KCNN3: variants seen among roughly 807,000 people sequenced by gnomAD.
The protein encoded by KCNN3 is potassium calcium-activated channel subfamily N member 3, also known as small conductance calcium-activated potassium channel protein 3.
In KCNN3, 16 loss-of-function variants were observed where a neutral mutation model predicts 62.9. The observed-to-expected ratio is 0.25, with a 90% CI of 0.17 to 0.39. The LOEUF (loss-of-function observed/expected upper bound fraction) is 0.39, where lower values mean the gene tolerates loss of function less well. KCNN3 is among the 10% of genes least tolerant of loss of function. KCNN3 has a pLI of 1.00. For synonymous variants in KCNN3, 370 were observed against 389.2 expected (o/e 0.95, Z 0.58); for missense variants, 599 against 949.4 (o/e 0.63, Z 4.85).
intron 2 of KCNN3, among the ~76,000 whole-genome samples, chr1:154,787,559 C>A (rs781086097): frequency 6.6e-6 from 1 of 152,168 alleles, no homozygotes; most frequent in Non-Finnish European, 1.5e-5. Context: ...ATGGAGAGGG[C>A]CAGTTTGGTG....
chr1:154,851,376 G>A lies in KCNN3; in HGVS notation c.933+17656C>T, dbSNP rs559955553. ...AGGAGCCCAGGCAGAAGCTTGCCACGGCCTCAAGCACCATCCTGTGACCTC... is the reference window on the plus strand; with the variant it reads ...AGGAGCCCAGGCAGAAGCTTGCCACAGCCTCAAGCACCATCCTGTGACCTC... On this transcript the variant is annotated intron_variant, in intron 1 of 7. Coordinates refer to ENST00000271915, the MANE Select transcript of KCNN3 (RefSeq NM_002249.6). 7.2e-5 allele frequency among the ~76,000 whole-genome samples: 11 copies of A among 152,196 alleles called. No individual in the cohort carries two copies. In the East Asian group the frequency reaches 9.7e-4, roughly 13 times the overall value.
intron 3 of KCNN3, among the ~76,000 whole-genome samples, chr1:154,768,932 G>C (rs1648419276): frequency 6.6e-6 from 1 of 152,200 alleles, no homozygotes; most frequent in Non-Finnish European, 1.5e-5. Flanking sequence ...CAGTAGAGTA[G>C]AGGCCAAGAT....
chr1:154,745,106 A>G (rs1700911400), intron 3 of KCNN3, among the ~76,000 whole-genome samples: 1 of 152,072 alleles, frequency 6.6e-6, no homozygotes, highest in Non-Finnish European at 1.5e-5. Flanking sequence ...TCTGTGTCCT[A>G]TTTTTCAAGA....
chr1:154,826,422 A>G (rs1422317211), intron 1 of KCNN3, among the ~76,000 whole-genome samples: 3 of 152,224 alleles, frequency 2.0e-5, no homozygotes, highest in Non-Finnish European at 4.4e-5. Flanking sequence ...CTTACAGAGG[A>G]GAAAGCTTAA....
intron 4 of KCNN3, among the ~76,000 whole-genome samples, chr1:154,728,694 AG>A (rs1700525850): frequency 6.6e-6 from 1 of 152,116 alleles, no homozygotes; most frequent in Admixed American, 6.5e-5. Flanking sequence ...AGGTGGGTGC[AG>A]GGAGAGGTAA....
intron 1 of KCNN3, among the ~76,000 whole-genome samples, chr1:154,867,749 A>G (rs192987362): frequency 0.044 from 2,279 of 52,326 alleles, 60 homozygotes; most frequent in African/African-American, 0.15. Flanking sequence ...CCCTGCCCCA[A>G]ATGACAAATA....
In KCNN3 at chr1:154,870,078, C is replaced by T. The variant is rs1653124180; in HGVS notation, c.-114G>A. 2 of 1,239,194 alleles carry T rather than the reference C, an allele frequency of 1.6e-6. No individual in the cohort carries two copies. The highest frequency in any genetic ancestry group is 1.5e-5 in the African/African-American group (1 of 67,054). 76.8% of individuals were successfully genotyped at this position (1,239,194 alleles called of 1,614,324 possible). On this transcript the variant is annotated 5_prime_UTR_variant, in exon 1 of 8. Transcript: ENST00000271915. Reference sequence around the variant, plus strand: ...CCAATCTCCCCCACCAGTATCTTGGCTCCAGTCCTCTCTTTGGCTTGCTTC... The same window carrying T: ...CCAATCTCCCCCACCAGTATCTTGGTTCCAGTCCTCTCTTTGGCTTGCTTC...
intron 2 of KCNN3, among the ~76,000 whole-genome samples, chr1:154,793,849 G>T (rs1171668682): frequency 6.6e-6 from 1 of 152,188 alleles, no homozygotes; most frequent in Non-Finnish European, 1.5e-5. Context: ...AGTCAGTGTG[G>T]AGGCGGATTC....
At chr1:154,732,747 T>C (rs1366882719) in intron 4 of KCNN3, among the ~76,000 whole-genome samples, 1 of 152,196 alleles carries the variant, frequency 6.6e-6, no homozygotes, top group Non-Finnish European at 1.5e-5. Flanking sequence ...CCAGCCCATT[T>C]TGAGGGAGCT....
At chr1:154,730,877 G>T (rs1700577796) in intron 4 of KCNN3, among the ~76,000 whole-genome samples, 1 of 152,230 alleles carries the variant, frequency 6.6e-6, no homozygotes, top group Admixed American at 6.5e-5. Flanking sequence ...GCAAAAGGGG[G>T]TGCTGAAAGA....
At chr1:154,813,034 C>A (rs941234663) in intron 2 of KCNN3, among the ~76,000 whole-genome samples, 1 of 152,186 alleles carries the variant, frequency 6.6e-6, no homozygotes, top group African/African-American at 2.4e-5. Context: ...ATCCTCTGGC[C>A]TAATCTGCCC....
At chr1:154,755,927 A>AGAGGTGGAGGATGGGGAGGG (rs1647662369) in intron 3 of KCNN3, among the ~76,000 whole-genome samples, 1 of 100,916 alleles carries the variant, frequency 9.9e-6, no homozygotes, top group Non-Finnish European at 1.9e-5. Flanking sequence ...GAGAAGAAGA[A>AGAGGTGGAGGATGGGGAGGG]GAGGTGGAGG....
At chr1:154,858,736 CT>C (rs66459758) in intron 1 of KCNN3, among the ~76,000 whole-genome samples, 27,861 of 141,676 alleles carry the variant, frequency 0.2, 3,014 homozygotes, top group Non-Finnish European at 0.28. Flanking sequence ...AGTCATGTAA[CT>C]TTTTTTTTTT....
At chr1:154,738,587 C>T (rs1012925666) in intron 3 of KCNN3, among the ~76,000 whole-genome samples, 3 of 152,064 alleles carry the variant, frequency 2.0e-5, no homozygotes, top group Admixed American at 6.5e-5. Context: ...ACAGGGAGGC[C>T]CTCATAGGAC....
chr1:154,796,291 C>T (rs1016500954), intron 2 of KCNN3, among the ~76,000 whole-genome samples: 1 of 152,186 alleles, frequency 6.6e-6, no homozygotes, highest in African/African-American at 2.4e-5. Flanking sequence ...TTTTCCTGGT[C>T]TCCACTCCAG....
chr1:154,823,443 A>G (rs1381554659), intron 1 of KCNN3, among the ~76,000 whole-genome samples: 2 of 152,218 alleles, frequency 1.3e-5, no homozygotes, highest in African/African-American at 4.8e-5. Context: ...AGGTGGTTTC[A>G]CGTATTTGTT....
chr1:154,774,101 G>A (rs931316398), intron 2 of KCNN3, among the ~76,000 whole-genome samples: 9 of 152,188 alleles, frequency 5.9e-5, no homozygotes, highest in African/African-American at 1.7e-4. Flanking sequence ...GTCACTGTGA[G>A]GCTGCAGTGG....
chr1:154,827,061 T>A (rs1651166744), intron 1 of KCNN3, among the ~76,000 whole-genome samples: 3 of 152,228 alleles, frequency 2.0e-5, no homozygotes, highest in East Asian at 3.8e-4. Flanking sequence ...GTATCTGAAG[T>A]TCATAATTTC....
chr1:154,801,633 T>G (rs1649956971), intron 2 of KCNN3, among the ~76,000 whole-genome samples: 1 of 152,208 alleles, frequency 6.6e-6, no homozygotes, highest in Admixed American at 6.5e-5. Context: ...TTCAAACAAG[T>G]GCAACTTTTG....
Sources: gnomAD v4.1 joint callset for allele counts (sites outside exome capture counted in the v4.1 genomes callset) on GRCh38, gnomAD v4.1.1 for gene constraint, MANE v1.5 for transcripts, NCBI Gene and HGNC (gene_info 2026-07-23, HGNC 2026-07-21) for gene names.